Variants in ABCC8 observed in about 807,000 individuals in gnomAD.
ABCC8 encodes the protein ATP-binding cassette sub-family C member 8.
Under a neutral mutation model 188.0 loss-of-function variants are expected in ABCC8, and 137 were observed. The ratio of observed to expected loss-of-function variants is 0.73; its 90% confidence interval spans 0.63 to 0.84. The LOEUF (loss-of-function observed/expected upper bound fraction) is 0.84, where lower values mean the gene tolerates loss of function less well. ABCC8 is among the 40% of genes least tolerant of loss of function. The probability of loss-of-function intolerance (pLI) is 0.00; values close to 1 mark genes in which losing one functional copy is unlikely to be tolerated. For synonymous variants in ABCC8, 797 were observed against 846.5 expected (o/e 0.94, Z 1.01); for missense variants, 1,750 against 2,072.7 (o/e 0.84, Z 3.02).
intron 36 of ABCC8, 30 bp downstream of exon 36, chr11:17,395,142 C>G (rs564543196): frequency 2.9e-5 from 45 of 1,554,550 alleles, no homozygotes; most frequent in Admixed American, 1.4e-4. Flanking sequence ...AGTGCCCAAC[C>G]AACCCAGCTG....
In ABCC8 at chr11:17,428,309, C is replaced by T. The variant is rs778098935; in HGVS notation, c.2020G>A (p.Ala674Thr). 11 of 1,614,192 alleles carry T rather than the reference C, an allele frequency of 6.8e-6. No homozygotes were observed. Among genetic ancestry groups the T allele is most frequent in the Non-Finnish European group, 8.5e-6 (10 of 1,180,046 alleles). ...QSLVPSADGDADNCCVQIMGG... is the reference protein window; with the variant it reads ...QSLVPSADGDTDNCCVQIMGG... ...CTCACCTGGACACAGCAGTTGTCAGCATCGCCATCTGCACTGGGGACCAGG... is the reference window on the plus strand; with the variant it reads ...CTCACCTGGACACAGCAGTTGTCAGTATCGCCATCTGCACTGGGGACCAGG... Residue 674 changes from alanine (A) to threonine (T), a missense_variant, in exon 14 of 39, where the codon GCT becomes ACT. Transcript: ENST00000389817.
At chr11:17,411,439 C>T (rs577616742) in intron 21 of ABCC8, among the ~76,000 whole-genome samples, 53 of 152,334 alleles carry the variant, frequency 3.5e-4, no homozygotes, top group African/African-American at 1.1e-3. Context: ...CTTTGTAAAA[C>T]GCTGTGTGTG....
At chr11:17,464,427 T>C (rs997528857) in intron 3 of ABCC8, among the ~76,000 whole-genome samples, 1 of 152,202 alleles carries the variant, frequency 6.6e-6, no homozygotes, top group Admixed American at 6.5e-5. Flanking sequence ...ACACCTGGGC[T>C]CAGAGCCTGT....
chr11:17,417,487 C>T (rs1273244835), intron 16 of ABCC8, among the ~76,000 whole-genome samples: 1 of 152,118 alleles, frequency 6.6e-6, no homozygotes, highest in African/African-American at 2.4e-5. Context: ...ATGTCAAATG[C>T]TTTTCATACT....
intron 23 of ABCC8, among the ~76,000 whole-genome samples, chr11:17,407,840 A>C (rs964297956): frequency 2.0e-5 from 3 of 152,190 alleles, no homozygotes; most frequent in African/African-American, 7.2e-5. Flanking sequence ...CTTTTGCTGA[A>C]CTATGGGGAA....
At chr11:17,419,766 G>A (rs928217510) in intron 16 of ABCC8, among the ~76,000 whole-genome samples, 9 of 152,210 alleles carry the variant, frequency 5.9e-5, no homozygotes, top group East Asian at 1.9e-4. Flanking sequence ...GGAACTGCAG[G>A]TTAAAGGAAG....
In ABCC8 at chr11:17,431,647, A is replaced by G. The variant is rs190695405; in HGVS notation, c.1671+557T>C. ...GCTTGACCCCCATGGCTCAGCTCACACACAGCTTTTATCAAAATTGCTTTA... is the reference window on the plus strand; with the variant it reads ...GCTTGACCCCCATGGCTCAGCTCACGCACAGCTTTTATCAAAATTGCTTTA... On this transcript the variant is annotated intron_variant, in intron 11 of 38. Coordinates refer to ENST00000389817, the MANE Select transcript of ABCC8 (RefSeq NM_000352.6). Among the ~76,000 whole-genome samples, 342 of 152,384 alleles carry G rather than the reference A, an allele frequency of 2.2e-3. 2 individuals are homozygous for G. Among genetic ancestry groups the G allele is most frequent in the African/African-American group, 7.7e-3 (322 of 41,594 alleles).
intron 37 of ABCC8, 71 bp from the exon 38 acceptor site, chr11:17,393,830 T>C: frequency 6.2e-7 from 1 of 1,613,780 alleles, no homozygotes; most frequent in South Asian, 1.1e-5. Flanking sequence ...TTGGGGGATG[T>C]GGAGCCCAGG....
chr11:17,394,421 G>C lies in ABCC8; in HGVS notation c.4412-22C>G, dbSNP rs1037433657. 5 of 1,614,016 alleles carry C rather than the reference G, an allele frequency of 3.1e-6. No homozygotes were observed. In the African/African-American group the frequency reaches 6.7e-5, roughly 22 times the overall value. On this transcript the variant is annotated intron_variant, in intron 36 of 38. Coordinates refer to ENST00000389817, the MANE Select transcript of ABCC8 (RefSeq NM_000352.6). ...GCATCTGAAAACAGCCCGGGGAGAT[G>C]AAGTAGGACTGAGTTAATCTTGTGC... is the stretch of plus-strand genomic sequence containing the variant.
At chr11:17,398,551 G>A (rs946805689) in intron 29 of ABCC8, 110 bp from the exon 30 acceptor site, 6 of 1,553,918 alleles carry the variant, frequency 3.9e-6, no homozygotes, top group African/African-American at 1.4e-5. Context: ...CCCCAGACAT[G>A]CCACCGTGGC....
Position 17,442,892 on chromosome 11 carries a change from T to C in ABCC8, c.1468-10A>G, listed in dbSNP as rs769767231. On this transcript the variant is annotated splice_polypyrimidine_tract_variant and intron_variant, in intron 9 of 38. Coordinates refer to ENST00000389817, the MANE Select transcript of ABCC8 (RefSeq NM_000352.6). ...GCTCATTGGAATACTCCTGCAGGGG[T>C]CCCCGAGTCAGAGGGGAGAGGCTTC... 15 of 1,609,924 alleles carry C rather than the reference T, an allele frequency of 9.3e-6. No homozygotes were observed. In the East Asian group the frequency reaches 2.2e-4, roughly 24 times the overall value.
At chr11:17,401,682 A>G (rs1372584351) in intron 29 of ABCC8, among the ~76,000 whole-genome samples, 1 of 152,168 alleles carries the variant, frequency 6.6e-6, no homozygotes, top group Non-Finnish European at 1.5e-5. Flanking sequence ...AAAGAGCCCA[A>G]CTTTGTGTGT....
At chr11:17,396,172 T>A (rs981408958) in intron 33 of ABCC8, 2 of 929,182 alleles carry the variant, frequency 2.2e-6, no homozygotes, top group African/African-American at 3.3e-5. Flanking sequence ...GCCTGGGCCT[T>A]GGTGTGGGTC....
At chr11:17,411,860 C>G (rs892759538) in intron 21 of ABCC8, among the ~76,000 whole-genome samples, 1 of 150,766 alleles carries the variant, frequency 6.6e-6, no homozygotes, top group South Asian at 2.1e-4. Flanking sequence ...CAGAACTTGA[C>G]ATGAAGTAGT....
intron 5 of ABCC8, chr11:17,460,941 G>A: frequency 3.4e-6 from 2 of 588,648 alleles, no homozygotes; most frequent in Non-Finnish European, 5.8e-6. Context: ...TATGTGATGA[G>A]CACAGCACTG....
intron 6 of ABCC8, among the ~76,000 whole-genome samples, chr11:17,453,837 G>A (rs1209819956): frequency 3.3e-5 from 5 of 152,132 alleles, no homozygotes; most frequent in South Asian, 2.1e-4. Context: ...ACCCAAGCCC[G>A]CCAGCCTCAT....
chr11:17,402,890 A>C, intron 28 of ABCC8, 137 bp from the exon 29 acceptor site: 4 of 1,059,686 alleles, frequency 3.8e-6, no homozygotes, highest in Non-Finnish European at 5.7e-6. Context: ...TACCCCGTGA[A>C]GGGGGAAGAC....
At chr11:17,471,401 T>C (rs1320470439) in intron 2 of ABCC8, among the ~76,000 whole-genome samples, 1 of 152,216 alleles carries the variant, frequency 6.6e-6, no homozygotes, top group African/African-American at 2.4e-5. Context: ...AGGAGAGCTA[T>C]CCTGTGACCT....
At position 17,399,289 on chromosome 11, in the gene ABCC8, A is replaced by AC. The variant is rs1297969073; in HGVS notation, c.3651-849_3651-848insG. Among the ~76,000 whole-genome samples the AC allele has an allele frequency of 3.2e-3, 462 of 146,132 alleles. 11 individuals carry two copies. Among genetic ancestry groups the AC allele is most frequent in the African/African-American group, 0.012 (439 of 37,300 alleles). On this transcript the variant is annotated intron_variant, in intron 29 of 38. Transcript: ENST00000389817. ...AGACTCTGCCTCAAAAAAAAAAAAA[A>AC]AAAAAAAAAAAAAAACAAATAAAAA...
Sources: allele counts gnomAD v4.1 joint callset (sites outside exome capture counted in the v4.1 genomes callset), GRCh38; gene constraint gnomAD v4.1.1; transcripts MANE v1.5; gene names NCBI Gene and HGNC (gene_info 2026-07-23, HGNC 2026-07-21).